Variants in CCDC18 observed in about 807,000 individuals in gnomAD.
CCDC18 encodes the protein coiled-coil domain containing 18.
In CCDC18, 157 loss-of-function variants were observed where a neutral mutation model predicts 196.0. The ratio of observed to expected loss-of-function variants is 0.80; its 90% CI spans 0.70 to 0.91. The LOEUF (loss-of-function observed/expected upper bound fraction) is 0.91, where lower values mean the gene tolerates loss of function less well. Among genes scored for constraint, CCDC18 ranks in the 40% least tolerant of loss-of-function variants. The pLI, the probability that CCDC18 is intolerant of heterozygous loss-of-function variation, is 0.00. For synonymous variants in CCDC18, 482 were observed against 529.2 expected, an observed-to-expected ratio of 0.91 and a Z score of 1.22; for missense variants, 1,465 against 1,611.6, an observed-to-expected ratio of 0.91 and a Z score of 1.56.
chr1:93,201,592 C>T lies in CCDC18; in HGVS notation c.699-300C>T, dbSNP rs564587432. Among the ~76,000 whole-genome samples the T allele has an allele frequency of 2.5e-3, 383 of 152,054 alleles. 3 individuals carry two copies. Among genetic ancestry groups the T allele is most frequent in the African/African-American group, 8.5e-3 (354 of 41,508 alleles). ...GTATCATCCAGCCTCAGGCTATTTC[C>T]CTAATCTGTCTTTTCCAGATAGGGA... On this transcript the variant is annotated intron_variant, in intron 6 of 28. Transcript: ENST00000690025.
chr1:93,257,231 C>CA (rs71586787), intron 25 of CCDC18, among the ~76,000 whole-genome samples: 26,417 of 45,748 alleles, frequency 0.58, 8,719 homozygotes, highest in Non-Finnish European at 0.65. Flanking sequence ...GACTCCATCT[C>CA]AAAAAAAAAA....
At chr1:93,251,843 T>C (rs1312406858) in intron 23 of CCDC18, among the ~76,000 whole-genome samples, 6 of 152,198 alleles carry the variant, frequency 3.9e-5, no homozygotes, top group Non-Finnish European at 8.8e-5. Flanking sequence ...ATTTTTCTTT[T>C]GTTTCTTTAA....
In CCDC18 at chr1:93,278,535, T is replaced by TG; in HGVS notation, c.*58_*59insG. On this transcript the variant is annotated 3_prime_UTR_variant, in exon 29 of 29. Transcript: ENST00000690025. ...GAATTTTTGGTACTGTGCTGTTTAC[T>TG]TATTATATGTAGCTCATACTTCATA... 1 of 903,418 alleles carries TG rather than the reference T, an allele frequency of 1.1e-6. No homozygotes were observed. Among genetic ancestry groups the TG allele is most frequent in the South Asian group, 2.9e-5 (1 of 34,538 alleles). The allele number at this position is 903,418 out of a possible 1,614,324, so 56.0% of individuals were successfully genotyped here. A position where few individuals can be genotyped will look rare whatever the true frequency, so the allele number is the denominator to read the frequency against.
At chr1:93,249,138 C>T (rs11164885) in intron 23 of CCDC18, among the ~76,000 whole-genome samples, 28,308 of 152,010 alleles carry the variant, frequency 0.19, 2,903 homozygotes, top group East Asian at 0.31. Flanking sequence ...GCTTTTATCT[C>T]ATTACTTGTT....
chr1:93,239,871 A>C lies in CCDC18; in HGVS notation c.2956A>C (p.Ile986Leu). ...QLSLEEKYTT[I>L]KDLTAELREC... ...ATCATTAGAGGAAAAATACACTACTATAAAGGATCTCACAGCTGAACTTAG... is the reference window on the plus strand; with the variant it reads ...ATCATTAGAGGAAAAATACACTACTCTAAAGGATCTCACAGCTGAACTTAG... The change falls in exon 21 of 29, where the codon ATA becomes CTA. Residue 986 changes from isoleucine to leucine, a missense_variant. Ile to Leu is a conservative substitution (Grantham distance 5). Transcript: ENST00000690025. The C allele has an allele frequency of 1.2e-6, 2 of 1,608,558 alleles. No individual in the cohort carries two copies. The highest frequency in any genetic ancestry group is 1.7e-6 in the Non-Finnish European group (2 of 1,176,002).
In CCDC18 at chr1:93,270,538, TCTTA is replaced by T. The variant is rs1665141884; in HGVS notation, c.4081_4084del (p.Thr1361SerfsTer17). ...TACGTCGCTCTATTAGTGCCAGTGA[TCTTA>T]CTTTCAAAATTCATGGTGATGAAGA... On this transcript the variant is annotated frameshift_variant, in exon 28 of 29. Transcript: ENST00000690025. LOFTEE classifies it high-confidence loss of function. The T allele has an allele frequency of 3.9e-6, 6 of 1,550,450 alleles. No homozygotes were observed. Among genetic ancestry groups the T allele is most frequent in the Non-Finnish European group, 5.2e-6 (6 of 1,146,908 alleles).
At chr1:93,265,925 A>G (rs1032264399) in intron 27 of CCDC18, among the ~76,000 whole-genome samples, 2 of 152,242 alleles carry the variant, frequency 1.3e-5, no homozygotes, top group Admixed American at 1.3e-4. Context: ...ACTTGAACTC[A>G]GCTCTGCACC....
In CCDC18 at chr1:93,233,438, A is replaced by G. The variant is rs892748883; in HGVS notation, c.2460+845A>G. 4.6e-5 allele frequency among the ~76,000 whole-genome samples: 7 copies of G among 152,176 alleles called. No homozygotes were observed. The East Asian group carries it at 1.2e-3, about 25-fold the overall frequency. ...TTTGAAAAGAAATCAAATTTACAGT[A>G]ATGTGTAAATTAGAAAATGATCGTC... On this transcript the variant is annotated intron_variant, in intron 18 of 28. Coordinates refer to ENST00000690025, the MANE Select transcript of CCDC18 (RefSeq NM_001378204.1).
intron 21 of CCDC18, among the ~76,000 whole-genome samples, chr1:93,241,220 G>A (rs1033699936): frequency 2.6e-5 from 4 of 151,932 alleles, no homozygotes; most frequent in Non-Finnish European, 5.9e-5. Context: ...CTCCCAAGGT[G>A]CTGAGATTAC....
chr1:93,238,680 G>A (rs1489895856), intron 19 of CCDC18, among the ~76,000 whole-genome samples: 1 of 152,144 alleles, frequency 6.6e-6, no homozygotes, highest in East Asian at 1.9e-4. Context: ...CTCTTAGTAT[G>A]TTGATTTGTC....
chr1:93,194,957 G>A (rs982516753), intron 6 of CCDC18, among the ~76,000 whole-genome samples: 5 of 152,064 alleles, frequency 3.3e-5, no homozygotes, highest in South Asian at 2.1e-4. Context: ...TGCATCCTCC[G>A]CCCCCTGGGT....
chr1:93,254,941 CTTTTTTTTTTTT>C lies in CCDC18; in HGVS notation c.3342+345_3342+356del, dbSNP rs34139452. On this transcript the variant is annotated intron_variant, in intron 24 of 28. Coordinates refer to ENST00000690025, the MANE Select transcript of CCDC18 (RefSeq NM_001378204.1). Reference sequence around the variant, plus strand: ...CTATGTAATAGAATTGAGGAGTCAGCTTTTTTTTTTTTTTTTTTTTTTTTTTTTTGAGACTGA... The same window carrying C: ...CTATGTAATAGAATTGAGGAGTCAGCTTTTTTTTTTTTTTTTTGAGACTGA... Among the ~76,000 whole-genome samples, 13 of 44,268 alleles carry C rather than the reference CTTTTTTTTTTTT, an allele frequency of 2.9e-4. No individual in the cohort carries two copies. In the Admixed American group the frequency reaches 3.4e-3, roughly 12 times the overall value. The allele number at this position is 44,268 out of a possible 152,430, so 29.0% of individuals were successfully genotyped here. A position where few individuals can be genotyped will look rare whatever the true frequency, so the allele number is the denominator to read the frequency against.
intron 4 of CCDC18, among the ~76,000 whole-genome samples, chr1:93,188,269 C>T (rs1450880653): frequency 3.9e-5 from 6 of 152,150 alleles, no homozygotes; most frequent in African/African-American, 4.8e-5. Context: ...TCATAACTTA[C>T]GTCTGGCAAT....
intron 9 of CCDC18, among the ~76,000 whole-genome samples, chr1:93,208,900 G>A (rs1003270827): frequency 2.0e-5 from 3 of 148,404 alleles, no homozygotes; most frequent in South Asian, 2.2e-4. Context: ...TTTTGAATTC[G>A]TGATCCCCCT....
chr1:93,247,495 G>T (rs374809203), intron 23 of CCDC18, among the ~76,000 whole-genome samples: 2 of 151,868 alleles, frequency 1.3e-5, no homozygotes, highest in African/African-American at 4.8e-5. Context: ...GCTCACTGCC[G>T]CCTCAACATC....
At position 93,183,892 on chromosome 1, in the gene CCDC18, G is replaced by A. The variant is rs1650177820; in HGVS notation, c.135-86G>A. 3.6e-6 allele frequency: 3 copies of A among 823,464 alleles called. No homozygotes were observed. The African/African-American group carries it at 5.3e-5, about 14-fold the overall frequency. The allele number at this position is 823,464 out of a possible 1,614,324, so 51.0% of individuals were successfully genotyped here. A position where few individuals can be genotyped will look rare whatever the true frequency, so the allele number is the denominator to read the frequency against. On this transcript the variant is annotated intron_variant, in intron 2 of 28. Coordinates refer to ENST00000690025, the MANE Select transcript of CCDC18 (RefSeq NM_001378204.1). ...GTGAATCTGCTTAGCAGCATTTCAGGTTTTCTATTTTCTTATTTAATGTAT... is the reference window on the plus strand; with the variant it reads ...GTGAATCTGCTTAGCAGCATTTCAGATTTTCTATTTTCTTATTTAATGTAT...
Position 93,207,167 on chromosome 1 carries a change from T to G in CCDC18, c.978T>G (p.Asn326Lys), listed in dbSNP as rs761515961. 6.2e-7 allele frequency: 1 copy of G among 1,605,942 alleles called. No individual in the cohort carries two copies. Among genetic ancestry groups the G allele is most frequent in the Non-Finnish European group, 8.5e-7 (1 of 1,173,676 alleles). The change falls in exon 9 of 29, where the codon AAT becomes AAG. Residue 326 changes from asparagine (N) to lysine (K), a missense_variant. Coordinates refer to ENST00000690025, the MANE Select transcript of CCDC18 (RefSeq NM_001378204.1). ...KEKLRIMAVK[N>K]SEVMAQLTES... Reference sequence around the variant, plus strand: ...AATTAAGGATCATGGCAGTGAAAAATTCAGAAGTCATGGCACAACTAACTG... The same window carrying G: ...AATTAAGGATCATGGCAGTGAAAAAGTCAGAAGTCATGGCACAACTAACTG...
intron 9 of CCDC18, among the ~76,000 whole-genome samples, chr1:93,208,338 G>GTTTTT (rs34659994): frequency 6.8e-6 from 1 of 147,694 alleles, no homozygotes. Flanking sequence ...TTTTTTGTTT[G>GTTTTT]TTTGTTTTTT....
intron 6 of CCDC18, among the ~76,000 whole-genome samples, chr1:93,199,221 G>A (rs1653363405): frequency 6.6e-6 from 1 of 152,174 alleles, no homozygotes; most frequent in South Asian, 2.1e-4. Context: ...TACCACCCTG[G>A]ATCCCACACC....
Sources: gnomAD v4.1 joint callset for allele counts (sites outside exome capture counted in the v4.1 genomes callset) on GRCh38, gnomAD v4.1.1 for gene constraint, MANE v1.5 for transcripts, NCBI Gene and HGNC (gene_info 2026-07-23, HGNC 2026-07-21) for gene names.